COL24A1: variants seen among roughly 807,000 people sequenced by gnomAD.
COL24A1 encodes collagen type XXIV alpha 1 chain, also known as collagen alpha-1(XXIV) chain.
COL24A1 carries 224 observed loss-of-function variants against 253.9 expected under a neutral mutation model. That is an observed-to-expected ratio of 0.88 (90% CI 0.79 to 0.99). The LOEUF (loss-of-function observed/expected upper bound fraction) is 0.99. COL24A1 is among the 50% of genes least tolerant of loss of function. COL24A1 has a pLI of 0.00. For missense variants in COL24A1, 2,131 were observed against 2,068.5 expected (o/e 1.03, Z -0.59); for synonymous variants, 685 against 673.7 (o/e 1.02, Z -0.26).
At position 86,146,139 on chromosome 1, in the gene COL24A1, A is replaced by T. The variant is rs915979484; in HGVS notation, c.101T>A (p.Val34Asp). The change falls in exon 2 of 60, where the codon GTT becomes GAT. Residue 34 changes from valine to aspartate, a missense_variant. Physicochemically the swap from Val to Asp is radical, Grantham distance 152. Transcript: ENST00000370571. ...CTTACCTTGTTCTTGTGCATGAACA[A>T]CCACCCCAGCCACACATAGTACAAT... Reference protein sequence around the residue: ...HFIVLCVAGVVVHAQEQGIDI... With the variant: ...HFIVLCVAGVDVHAQEQGIDI... The T allele has an allele frequency of 6.2e-7, 1 of 1,611,828 alleles. No homozygotes were observed. The highest frequency in any genetic ancestry group is 8.5e-7 in the Non-Finnish European group (1 of 1,178,946).
chr1:85,733,879 C>A (rs1453002732), intron 59 of COL24A1, among the ~76,000 whole-genome samples: 1 of 149,540 alleles, frequency 6.7e-6, no homozygotes, highest in African/African-American at 2.5e-5. Flanking sequence ...CAGTGCCTAG[C>A]CCCATTATTT....
At chr1:85,987,489 TA>T in intron 20 of COL24A1, 111 bp downstream of exon 20, 1 of 978,150 alleles carries the variant, frequency 1.0e-6, no homozygotes, top group African/African-American at 1.6e-5. Context: ...TGAGACAGCT[TA>T]AAAATATCCA....
intron 53 of COL24A1, among the ~76,000 whole-genome samples, chr1:85,769,032 T>C (rs573875787): frequency 6.6e-6 from 1 of 152,306 alleles, no homozygotes; most frequent in Admixed American, 6.5e-5. Flanking sequence ...AATAAGTCTT[T>C]TAAATTTTAT....
At chr1:85,975,343 C>A (rs1200934917) in intron 20 of COL24A1, among the ~76,000 whole-genome samples, 1 of 152,006 alleles carries the variant, frequency 6.6e-6, no homozygotes, top group East Asian at 1.9e-4. Context: ...CTCACAATAG[C>A]CAAAATACAG....
At chr1:86,131,063 T>G (rs1030437621) in intron 2 of COL24A1, among the ~76,000 whole-genome samples, 10 of 152,104 alleles carry the variant, frequency 6.6e-5, no homozygotes, top group African/African-American at 2.4e-4. Context: ...CTTTATTTCC[T>G]TGAATATCTT....
In COL24A1 at chr1:86,156,402, T is replaced by C; in HGVS notation, c.-6A>G. 6.2e-7 allele frequency: 1 copy of C among 1,611,526 alleles called. No homozygotes were observed. Among genetic ancestry groups the C allele is most frequent in the Non-Finnish European group, 8.5e-7 (1 of 1,178,834 alleles). On this transcript the variant is annotated 5_prime_UTR_variant, in exon 1 of 60. Transcript: ENST00000370571. ...CTGTGGGCTCTTAAATGCATTTGTA[T>C]GCATTTGTCCGTGCAGCAAAGCGCT...
At chr1:86,032,111 T>C (rs1000588874) in intron 13 of COL24A1, among the ~76,000 whole-genome samples, 189 bp from the exon 14 acceptor site, 8 of 152,196 alleles carry the variant, frequency 5.3e-5, no homozygotes, top group Non-Finnish European at 1.0e-4. Context: ...GCCATTTATG[T>C]TCTTCACAAG....
intron 24 of COL24A1, among the ~76,000 whole-genome samples, chr1:85,955,637 C>G (rs957367249): frequency 6.6e-6 from 1 of 152,214 alleles, no homozygotes; most frequent in African/African-American, 2.4e-5. Context: ...ATGAGCCACA[C>G]CCCTATTGCA....
Position 85,842,329 on chromosome 1 carries a change from TA to T in COL24A1, c.3516+10del. ...TCATGTGAATATATTTTTTCAATTA[TA>T]AATACTTACCCTGTACCCTGGAATT... is the stretch of plus-strand genomic sequence containing the variant. On this transcript the variant is annotated intron_variant, in intron 40 of 59. Coordinates refer to ENST00000370571, the MANE Select transcript of COL24A1 (RefSeq NM_152890.7). The T allele has an allele frequency of 1.3e-6, 2 of 1,564,648 alleles. No individual in the cohort carries two copies. Among genetic ancestry groups the T allele is most frequent in the Non-Finnish European group, 1.7e-6 (2 of 1,150,654 alleles).
chr1:85,948,276 G>T (rs905092186), intron 24 of COL24A1, among the ~76,000 whole-genome samples: 3 of 151,984 alleles, frequency 2.0e-5, no homozygotes, highest in Admixed American at 1.3e-4. Flanking sequence ...TGTAATCCCA[G>T]CACTTTGGGA....
chr1:86,013,287 C>T (rs1696700799), intron 19 of COL24A1, among the ~76,000 whole-genome samples: 1 of 152,176 alleles, frequency 6.6e-6, no homozygotes, highest in Non-Finnish European at 1.5e-5. Flanking sequence ...AATAGAATTA[C>T]TTTCACTGAA....
intron 32 of COL24A1, among the ~76,000 whole-genome samples, chr1:85,886,978 T>C (rs1184125349): frequency 2.0e-5 from 3 of 152,188 alleles, no homozygotes; most frequent in Non-Finnish European, 4.4e-5. Flanking sequence ...CACTTTATCT[T>C]TACAAGTGAT....
At chr1:86,019,879 A>G (rs1697338659) in intron 18 of COL24A1, among the ~76,000 whole-genome samples, 1 of 151,948 alleles carries the variant, frequency 6.6e-6, no homozygotes, top group African/African-American at 2.4e-5. Context: ...TTCTTTCAGG[A>G]AAAAAATACT....
At chr1:85,902,040 A>C (rs1684367637) in intron 28 of COL24A1, among the ~76,000 whole-genome samples, 1 of 152,110 alleles carries the variant, frequency 6.6e-6, no homozygotes, top group Non-Finnish European at 1.5e-5. Context: ...CAATGGAATA[A>C]TTTGTAGGAA....
intron 24 of COL24A1, among the ~76,000 whole-genome samples, chr1:85,943,033 C>A (rs1688900161): frequency 6.6e-6 from 1 of 152,118 alleles, no homozygotes; most frequent in Non-Finnish European, 1.5e-5. Context: ...AAGATCTGCC[C>A]TCAATGTTAG....
chr1:86,119,008 C>T (rs1329994846), intron 3 of COL24A1, among the ~76,000 whole-genome samples: 6 of 152,090 alleles, frequency 3.9e-5, no homozygotes, highest in South Asian at 2.1e-4. Context: ...AGTGCTATAA[C>T]CTTCTTCCAC....
chr1:85,991,253 G>A (rs938845865), intron 19 of COL24A1, among the ~76,000 whole-genome samples: 1 of 152,170 alleles, frequency 6.6e-6, no homozygotes, highest in Non-Finnish European at 1.5e-5. Context: ...TCCAGACTGT[G>A]GGAAACTACA....
At chr1:86,012,094 C>G (rs1696545611) in intron 19 of COL24A1, among the ~76,000 whole-genome samples, 1 of 151,762 alleles carries the variant, frequency 6.6e-6, no homozygotes, top group South Asian at 2.1e-4. Context: ...GCTGGGATTA[C>G]AAGCATAAGC....
rs1669422538 is a variant in COL24A1 at position 85,784,152 on chromosome 1, A to C, written c.4182T>G (p.Val1394=). ...GLKGQPGEYG[V]QGLTGFQGFP... ...ATCCTTGGAAACCTGTCAAACCTTG[A>C]ACACCATATTCTCCCTGCAAAGTGA... Residue 1394 remains valine (V), a synonymous_variant, in exon 50 of 60, where the codon GTT becomes GTG. Coordinates refer to ENST00000370571, the MANE Select transcript of COL24A1 (RefSeq NM_152890.7). 6.2e-7 allele frequency: 1 copy of C among 1,613,668 alleles called. No individual in the cohort carries two copies. Among genetic ancestry groups the C allele is most frequent in the African/African-American group, 1.3e-5 (1 of 74,888 alleles).
Sources: gnomAD v4.1 joint callset for allele counts (sites outside exome capture counted in the v4.1 genomes callset) on GRCh38, gnomAD v4.1.1 for gene constraint, MANE v1.5 for transcripts, NCBI Gene and HGNC (gene_info 2026-07-23, HGNC 2026-07-21) for gene names.